The following DPY19L3 variants were observed in gnomAD, a reference collection of about 807,000 sequenced individuals.
DPY19L3 encodes the protein dpy-19 like C-mannosyltransferase 3.
Under a neutral mutation model 92.3 loss-of-function variants are expected in DPY19L3, and 51 were observed. The observed-to-expected ratio is 0.55, with a 90% CI of 0.44 to 0.70. The LOEUF is 0.70. Among genes scored for constraint, DPY19L3 ranks in the 30% least tolerant of loss-of-function variants. The pLI is 0.00. For synonymous variants in DPY19L3, 309 were observed against 315.2 expected, an observed-to-expected ratio of 0.98 and a Z score of 0.21; for missense variants, 706 against 855.9, an observed-to-expected ratio of 0.82 and a Z score of 2.18.
intron 3 of DPY19L3, among the ~76,000 whole-genome samples, chr19:32,413,444 C>CT (rs66733163): frequency 0.59 from 87,280 of 148,730 alleles, 25,676 homozygotes; most frequent in Non-Finnish European, 0.63. Context: ...AAGAATAATT[C>CT]TTTTTTTTTT....
chr19:32,425,748 G>A (rs1447283487), intron 3 of DPY19L3, among the ~76,000 whole-genome samples: 2 of 151,814 alleles, frequency 1.3e-5, no homozygotes, highest in East Asian at 1.9e-4. Flanking sequence ...ATAGTAAATC[G>A]TGCTGTCAAC....
intron 3 of DPY19L3, among the ~76,000 whole-genome samples, chr19:32,426,711 TTAA>T (rs1968777602): frequency 6.6e-6 from 1 of 152,184 alleles, no homozygotes; most frequent in Admixed American, 6.5e-5. Flanking sequence ...TACAGTAGTA[TTAA>T]TAACATCAAA....
intron 12 of DPY19L3, among the ~76,000 whole-genome samples, chr19:32,460,866 T>TGTTTTGTTTG (rs1432977781): frequency 6.6e-5 from 10 of 151,892 alleles, no homozygotes; most frequent in Admixed American, 1.3e-4. Context: ...TGTTTTGTTT[T>TGTTTTGTTTG]GTTTTGTTTT....
At chr19:32,448,130 T>C (rs1969578259) in intron 8 of DPY19L3, among the ~76,000 whole-genome samples, 1 of 152,198 alleles carries the variant, frequency 6.6e-6, no homozygotes, top group Non-Finnish European at 1.5e-5. Context: ...AACAAAGTTT[T>C]GAGCCTCTGT....
chr19:32,431,129 C>A lies in DPY19L3; in HGVS notation c.238-1587C>A, dbSNP rs1470478842. On this transcript the variant is annotated intron_variant, in intron 3 of 18. Coordinates refer to ENST00000392250, the MANE Select transcript of DPY19L3 (RefSeq NM_001172774.2). The stretch of plus-strand genomic sequence containing the variant: ...GTGCAGTGGCTCACGCCTGTAATCC[C>A]AGCACTTTGGGAGGCCGAGGCAGAT... 2.0e-5 allele frequency among the ~76,000 whole-genome samples: 3 copies of A among 152,108 alleles called. No individual in the cohort carries two copies. The East Asian group carries it at 5.8e-4, about 29-fold the overall frequency.
chr19:32,468,643 C>A, intron 15 of DPY19L3, 88 bp from the exon 16 acceptor site: 2 of 1,548,886 alleles, frequency 1.3e-6, no homozygotes, highest in Non-Finnish European at 1.7e-6. Flanking sequence ...ACATTATATG[C>A]AGTTTATCTT....
chr19:32,421,021 T>G (rs1968550627), intron 3 of DPY19L3, among the ~76,000 whole-genome samples: 1 of 152,228 alleles, frequency 6.6e-6, no homozygotes, highest in Non-Finnish European at 1.5e-5. Context: ...ATACTATGCT[T>G]TTTCCATATA....
intron 10 of DPY19L3, 101 bp from the exon 11 acceptor site, chr19:32,457,999 C>G (rs1292920038): frequency 4.7e-6 from 4 of 847,376 alleles, no homozygotes; most frequent in Non-Finnish European, 7.6e-6. Context: ...CCCACACGCT[C>G]CTGTGAAATT....
At chr19:32,455,913 G>GTAT (rs1969847606) in intron 10 of DPY19L3, among the ~76,000 whole-genome samples, 1 of 151,838 alleles carries the variant, frequency 6.6e-6, no homozygotes, top group Non-Finnish European at 1.5e-5. Flanking sequence ...AAACTACATT[G>GTAT]GTATCTTCAG....
chr19:32,449,678 G>C (rs940098272), intron 8 of DPY19L3, among the ~76,000 whole-genome samples: 7 of 152,194 alleles, frequency 4.6e-5, no homozygotes, highest in African/African-American at 1.7e-4. Context: ...AGAATTAATG[G>C]TGTTTTCAAC....
chr19:32,439,322 G>A (rs1969250388), intron 7 of DPY19L3, 87 bp downstream of exon 7: 1 of 1,381,970 alleles, frequency 7.2e-7, no homozygotes. Context: ...GTATCCCAAT[G>A]CATGTGAATA....
chr19:32,444,963 C>T (rs1022227313), intron 8 of DPY19L3, among the ~76,000 whole-genome samples: 2 of 150,322 alleles, frequency 1.3e-5, no homozygotes, highest in Non-Finnish European at 1.5e-5. Flanking sequence ...ATGGTAGCAA[C>T]GTGCCTGAGG....
At chr19:32,409,442 C>T (rs1240802866) in intron 2 of DPY19L3, among the ~76,000 whole-genome samples, 1 of 152,128 alleles carries the variant, frequency 6.6e-6, no homozygotes, top group Non-Finnish European at 1.5e-5. Flanking sequence ...GTTTTCTTAC[C>T]ATTTGCTAAT....
intron 16 of DPY19L3, among the ~76,000 whole-genome samples, chr19:32,475,199 A>G (rs747958025): frequency 1.2e-4 from 19 of 152,304 alleles, no homozygotes; most frequent in Non-Finnish European, 2.5e-4. Flanking sequence ...AGAGATTCCT[A>G]TTATACATTC....
chr19:32,480,439 A>G lies in DPY19L3; in HGVS notation c.1871A>G (p.His624Arg), dbSNP rs1487245614. Residue 624 changes from histidine to arginine, a missense_variant, in exon 18 of 19, where the codon CAT becomes CGT. His to Arg is a conservative substitution (Grantham distance 29, BLOSUM62 0). Coordinates refer to ENST00000392250, the MANE Select transcript of DPY19L3 (RefSeq NM_001172774.2). The part of the protein sequence containing the change: ...IYAKRAPEEV[H>R]ALLRSFGTDY... ...GCCAAGAGGGCACCAGAGGAAGTGCATGCCCTCCTAAGGTCCTTCGGCACT... is the reference window on the plus strand; with the variant it reads ...GCCAAGAGGGCACCAGAGGAAGTGCGTGCCCTCCTAAGGTCCTTCGGCACT... 6.2e-7 allele frequency: 1 copy of G among 1,613,964 alleles called. No homozygotes were observed. Among genetic ancestry groups the G allele is most frequent in the Admixed American group, 1.7e-5 (1 of 59,958 alleles).
chr19:32,453,039 C>G, intron 8 of DPY19L3, 106 bp from the exon 9 acceptor site: 1 of 1,306,386 alleles, frequency 7.7e-7, no homozygotes, highest in Non-Finnish European at 1.1e-6. Flanking sequence ...CATGTGTTTT[C>G]TGCATTATTT....
intron 4 of DPY19L3, among the ~76,000 whole-genome samples, chr19:32,434,595 G>C (rs1969078040): frequency 6.6e-6 from 1 of 152,166 alleles, no homozygotes. Flanking sequence ...GGAGGTGGAG[G>C]TTGCGGTGAG....
intron 3 of DPY19L3, among the ~76,000 whole-genome samples, chr19:32,420,450 T>TG (rs143241921): frequency 0.036 from 5,552 of 152,128 alleles, 363 homozygotes; most frequent in Admixed American, 0.17. Flanking sequence ...TTTGTTTTTT[T>TG]TTGTTGTTGT....
At chr19:32,452,469 C>G (rs1244989125) in intron 8 of DPY19L3, among the ~76,000 whole-genome samples, 9 of 152,202 alleles carry the variant, frequency 5.9e-5, no homozygotes, top group African/African-American at 2.2e-4. Flanking sequence ...GGAAATAACA[C>G]AGTAAAGTAC....
Sources: gnomAD v4.1 joint callset for allele counts (sites outside exome capture counted in the v4.1 genomes callset) on GRCh38, gnomAD v4.1.1 for gene constraint, MANE v1.5 for transcripts, NCBI Gene and HGNC (gene_info 2026-07-23, HGNC 2026-07-21) for gene names.